BACE2: variants seen among roughly 807,000 people sequenced by gnomAD.
BACE2 encodes beta-secretase 2, also known as 56 kDa aspartic-like protease.
A neutral mutation model predicts 46.2 loss-of-function variants in BACE2; 17 were observed. The observed-to-expected ratio is 0.37, with a 90% confidence interval of 0.25 to 0.55. The LOEUF (loss-of-function observed/expected upper bound fraction) is 0.55, where lower values mean the gene tolerates loss of function less well. Among genes scored for constraint, BACE2 ranks in the 20% least tolerant of loss-of-function variants. The pLI is 0.82. For missense variants in BACE2, 595 were observed against 698.1 expected (o/e 0.85, Z 1.66); for synonymous variants, 277 against 295.9 (o/e 0.94, Z 0.66).
At chr21:41,238,080 AC>A (rs1987177153) in intron 3 of BACE2, among the ~76,000 whole-genome samples, 2 of 152,356 alleles carry the variant, frequency 1.3e-5, no homozygotes, top group South Asian at 4.1e-4. Flanking sequence ...TTAAATTCAT[AC>A]GTTTGCGTGA....
At chr21:41,227,119 C>G (rs1260972798) in intron 2 of BACE2, among the ~76,000 whole-genome samples, 1 of 152,260 alleles carries the variant, frequency 6.6e-6, no homozygotes, top group African/African-American at 2.4e-5. Context: ...GAACTGGAAG[C>G]TGCTCTAATG....
intron 7 of BACE2, among the ~76,000 whole-genome samples, chr21:41,254,725 C>G: frequency 6.6e-6 from 1 of 152,352 alleles, no homozygotes; most frequent in Middle Eastern, 3.4e-3. Flanking sequence ...TATCAATGGC[C>G]GACTCATCTT....
chr21:41,203,981 C>T (rs906892217), intron 1 of BACE2, among the ~76,000 whole-genome samples: 7 of 152,092 alleles, frequency 4.6e-5, no homozygotes, highest in African/African-American at 1.2e-4. Context: ...TGAGCTCACT[C>T]AGCTATTTCA....
intron 1 of BACE2, chr21:41,182,983 T>A: frequency 6.0e-6 from 1 of 166,582 alleles, no homozygotes. Context: ...GACAAAAAAT[T>A]TTTTCTCAAT....
chr21:41,214,879 C>A (rs902886353), intron 1 of BACE2, among the ~76,000 whole-genome samples: 11 of 151,446 alleles, frequency 7.3e-5, no homozygotes, highest in Non-Finnish European at 4.4e-5. Context: ...GCACCCAGGA[C>A]AGGGGCACAG....
chr21:41,188,886 G>C (rs1985470178), intron 1 of BACE2, among the ~76,000 whole-genome samples: 1 of 152,168 alleles, frequency 6.6e-6, no homozygotes, highest in African/African-American at 2.4e-5. Context: ...GGGCCACTGG[G>C]TTTTAGCACA....
intron 1 of BACE2, among the ~76,000 whole-genome samples, chr21:41,188,584 T>A (rs1255044351): frequency 6.6e-6 from 1 of 152,130 alleles, no homozygotes; most frequent in East Asian, 1.9e-4. Flanking sequence ...AGGGCTTACA[T>A]ACCATAGGGA....
chr21:41,243,967 T>TA (rs1443697025), intron 5 of BACE2, among the ~76,000 whole-genome samples: 1 of 152,160 alleles, frequency 6.6e-6, no homozygotes, highest in Non-Finnish European at 1.5e-5. Context: ...CAATTCTCCC[T>TA]AAAAAACGGT....
chr21:41,235,043 T>C (rs1007525075), intron 2 of BACE2, among the ~76,000 whole-genome samples: 1 of 152,202 alleles, frequency 6.6e-6, no homozygotes, highest in Non-Finnish European at 1.5e-5. Flanking sequence ...TAGAATCAGC[T>C]GTTTCCCCCA....
At chr21:41,185,081 C>G (rs1358327795) in intron 1 of BACE2, 1 of 167,044 alleles carries the variant, frequency 6.0e-6, no homozygotes, top group Non-Finnish European at 1.5e-5. Context: ...TTGGGATACT[C>G]CTTGTTGTCC....
intron 1 of BACE2, among the ~76,000 whole-genome samples, chr21:41,205,312 G>T (rs1986091580): frequency 6.6e-6 from 1 of 152,104 alleles, no homozygotes; most frequent in African/African-American, 2.4e-5. Flanking sequence ...CACATTTTCT[G>T]CTTTCAAAGC....
chr21:41,193,225 C>T lies in BACE2; in HGVS notation c.312+24650C>T, dbSNP rs764143792. The stretch of plus-strand genomic sequence containing the variant: ...AGGACAGTAAAGGTGTATTGCCGGC[C>T]TTGCCAGCGGAAGGCAAATTGCTTC... On this transcript the variant is annotated intron_variant, in intron 1 of 8. Coordinates refer to ENST00000330333, the MANE Select transcript of BACE2 (RefSeq NM_012105.5). The surrounding 1 kb of genome is among the most constrained non-coding windows in gnomAD (Gnocchi z 4.2). 2.0e-5 allele frequency among the ~76,000 whole-genome samples: 3 copies of T among 152,224 alleles called. No individual in the cohort carries two copies. Among genetic ancestry groups the T allele is most frequent in the Non-Finnish European group, 4.4e-5 (3 of 68,046 alleles).
chr21:41,257,443 C>A, intron 8 of BACE2, 117 bp downstream of exon 8: 1 of 1,163,894 alleles, frequency 8.6e-7, no homozygotes. Flanking sequence ...TCACTCATTC[C>A]TATCACCAGT....
At chr21:41,210,603 C>T (rs1347881823) in intron 1 of BACE2, among the ~76,000 whole-genome samples, 1 of 152,184 alleles carries the variant, frequency 6.6e-6, no homozygotes, top group African/African-American at 2.4e-5. Flanking sequence ...AGACTGACCC[C>T]GTTCCACAGC....
intron 1 of BACE2, among the ~76,000 whole-genome samples, chr21:41,219,261 G>A (rs1248868219): frequency 6.6e-6 from 1 of 152,138 alleles, no homozygotes; most frequent in Non-Finnish European, 1.5e-5. Context: ...ACATAAAATT[G>A]TAAAGAAAAT....
At chr21:41,192,573 G>T (rs1053446296) in intron 1 of BACE2, among the ~76,000 whole-genome samples, 7 of 152,142 alleles carry the variant, frequency 4.6e-5, no homozygotes, top group African/African-American at 1.7e-4. Context: ...AGATGGCAGG[G>T]CCTTGCTCCA....
At chr21:41,253,107 T>G (rs1987685831) in intron 7 of BACE2, among the ~76,000 whole-genome samples, 1 of 152,190 alleles carries the variant, frequency 6.6e-6, no homozygotes, top group Non-Finnish European at 1.5e-5. Context: ...TGAATGATAT[T>G]ACAATGCTAT....
intron 1 of BACE2, among the ~76,000 whole-genome samples, chr21:41,210,201 A>G (rs1601270708): frequency 6.6e-6 from 1 of 151,596 alleles, no homozygotes; most frequent in East Asian, 1.9e-4. Context: ...AACTAAAAGT[A>G]AGCTCCTAAG....
rs1018421401 is a variant in BACE2 at position 41,252,435 on chromosome 21, G to A, written c.1134+1534G>A. 4.6e-5 allele frequency: 7 copies of A among 152,162 alleles called. No homozygotes were observed. In the South Asian group the frequency reaches 6.2e-4, roughly 14 times the overall value. 9.4% of individuals were successfully genotyped at this position (152,162 alleles called of 1,614,324 possible). On this transcript the variant is annotated intron_variant, in intron 7 of 8. Transcript: ENST00000330333. ...ACCCAGCTTTTGTTGAAACCATGCC[G>A]AGCAGAATAACCCATTTGTGAGGTT... is the stretch of plus-strand genomic sequence containing the variant.
Sources: gnomAD v4.1 joint callset for allele counts (sites outside exome capture counted in the v4.1 genomes callset) on GRCh38, gnomAD v4.1.1 for gene constraint, Gnocchi (gnomAD v3.1) non-coding constraint, MANE v1.5 for transcripts, NCBI Gene and HGNC (gene_info 2026-07-23, HGNC 2026-07-21) for gene names.